BCAS4: variants seen among roughly 807,000 people sequenced by gnomAD.
BCAS4 encodes breast carcinoma-amplified sequence 4.
BCAS4 carries 9 observed loss-of-function variants against 15.7 expected under a neutral mutation model. The observed-to-expected ratio is 0.57, with a 90% confidence interval of 0.34 to 1.00. BCAS4 has a LOEUF of 1.00. Among genes scored for constraint, BCAS4 ranks in the 50% least tolerant of loss-of-function variants. BCAS4 has a pLI of 0.02. For missense variants in BCAS4, 225 were observed against 239.1 expected (o/e 0.94, Z 0.39); for synonymous variants, 101 against 99.5 (o/e 1.02, Z -0.09).
chr20:50,825,844 T>C (rs916007161), intron 2 of BCAS4, among the ~76,000 whole-genome samples: 1 of 152,016 alleles, frequency 6.6e-6, no homozygotes, highest in Non-Finnish European at 1.5e-5. Flanking sequence ...GCCACTGTAC[T>C]CCAGCCTGGG....
intron 1 of BCAS4, among the ~76,000 whole-genome samples, chr20:50,796,487 ATTTTTTTTTTTTT>A (rs34988437): frequency 3.0e-4 from 2 of 6,776 alleles, no homozygotes; most frequent in African/African-American, 9.7e-4. Flanking sequence ...ATATATATAT[ATTTTTTTTTTTTT>A]TTTTTTTTTT....
chr20:50,841,753 C>T lies in BCAS4; in HGVS notation c.265-13C>T. The stretch of plus-strand genomic sequence containing the variant: ...GCACAGATGCGGCATCATGGCTTCT[C>T]CGTGTCCCTCAGGCCTTCGTCAAGA... On this transcript the variant is annotated splice_polypyrimidine_tract_variant and intron_variant, in intron 3 of 4. Coordinates refer to ENST00000371608, the MANE Select transcript of BCAS4 (RefSeq NM_198799.4). 6.2e-7 allele frequency: 1 copy of T among 1,613,962 alleles called. No homozygotes were observed. The highest frequency in any genetic ancestry group is 8.5e-7 in the Non-Finnish European group (1 of 1,180,010).
chr20:50,800,752 G>C (rs1286341454), intron 1 of BCAS4, among the ~76,000 whole-genome samples: 1 of 151,948 alleles, frequency 6.6e-6, no homozygotes, highest in Non-Finnish European at 1.5e-5. Context: ...AGTAGAGACA[G>C]AGTTTCGCCA....
At chr20:50,796,449 C>T in intron 1 of BCAS4, among the ~76,000 whole-genome samples, 6 of 71,632 alleles carry the variant, frequency 8.4e-5, no homozygotes, top group Admixed American at 1.9e-4. Context: ...TTTTCTTTTT[C>T]TCCATATATA....
intron 4 of BCAS4, among the ~76,000 whole-genome samples, chr20:50,858,323 C>T (rs556644671): frequency 1.5e-4 from 23 of 152,046 alleles, no homozygotes; most frequent in Non-Finnish European, 2.8e-4. Context: ...AAATGCTGGA[C>T]GGGCATGGTG....
chr20:50,858,653 G>T (rs962359351), intron 4 of BCAS4, among the ~76,000 whole-genome samples: 9 of 149,220 alleles, frequency 6.0e-5, no homozygotes, highest in Admixed American at 2.7e-4. Context: ...ACACTGTATT[G>T]TTTGGGGAAT....
At chr20:50,840,514 T>C in intron 3 of BCAS4, 1 of 1,356,168 alleles carries the variant, frequency 7.4e-7, no homozygotes, top group South Asian at 1.2e-5. Context: ...TTAAACTTGA[T>C]CCAACCTCTT....
At chr20:50,874,413 C>T (rs1008750489) in intron 4 of BCAS4, among the ~76,000 whole-genome samples, 2 of 152,146 alleles carry the variant, frequency 1.3e-5, no homozygotes, top group Non-Finnish European at 2.9e-5. Flanking sequence ...GCTCAGCACC[C>T]GGAAACTCCC....
intron 4 of BCAS4, among the ~76,000 whole-genome samples, chr20:50,866,850 C>T (rs749594112): frequency 3.9e-5 from 6 of 152,160 alleles, no homozygotes; most frequent in Non-Finnish European, 8.8e-5. Flanking sequence ...CTCAGTTTCC[C>T]CTTTTGCAAA....
At chr20:50,866,866 A>G (rs942784490) in intron 4 of BCAS4, among the ~76,000 whole-genome samples, 1 of 152,194 alleles carries the variant, frequency 6.6e-6, no homozygotes, top group East Asian at 1.9e-4. Context: ...GCAAAGTGAG[A>G]TGGAGGTTCC....
At chr20:50,853,253 T>C (rs1978545085) in intron 4 of BCAS4, among the ~76,000 whole-genome samples, 1 of 148,824 alleles carries the variant, frequency 6.7e-6, no homozygotes, top group South Asian at 2.2e-4. Flanking sequence ...CAACCAATTC[T>C]CCTGCCTCAG....
chr20:50,842,087 CG>C (rs1424905821), intron 4 of BCAS4, among the ~76,000 whole-genome samples, 187 bp downstream of exon 4: 1 of 152,202 alleles, frequency 6.6e-6, no homozygotes, highest in Non-Finnish European at 1.5e-5. Flanking sequence ...TGGGCTGTGA[CG>C]GTTCGTGTGC....
At chr20:50,857,285 C>A (rs999394400) in intron 4 of BCAS4, among the ~76,000 whole-genome samples, 1 of 152,204 alleles carries the variant, frequency 6.6e-6, no homozygotes, top group Non-Finnish European at 1.5e-5. Flanking sequence ...GCATGCGCCA[C>A]CACACCTGGC....
At chr20:50,861,178 G>A (rs1219632342) in intron 4 of BCAS4, among the ~76,000 whole-genome samples, 1 of 152,112 alleles carries the variant, frequency 6.6e-6, no homozygotes, top group Non-Finnish European at 1.5e-5. Flanking sequence ...GGAGGTCTGA[G>A]TTCACATGGA....
In BCAS4 at chr20:50,800,520, A is replaced by G. The variant is rs181990462; in HGVS notation, c.90+5347A>G. Among the ~76,000 whole-genome samples, 153 of 149,796 alleles carry G rather than the reference A, an allele frequency of 1.0e-3. 1 individual carries two copies. The Middle Eastern group carries it at 0.028, about 28-fold the overall frequency. Reference sequence around the variant, plus strand: ...TCCAGGGCCTCGGGTTTTCTGTTCAACTAGTTCCCTGCCACCCCTCTTTCT... The same window carrying G: ...TCCAGGGCCTCGGGTTTTCTGTTCAGCTAGTTCCCTGCCACCCCTCTTTCT... On this transcript the variant is annotated intron_variant, in intron 1 of 4. Coordinates refer to ENST00000371608, the MANE Select transcript of BCAS4 (RefSeq NM_198799.4).
At chr20:50,831,836 C>T (rs1022838404) in intron 3 of BCAS4, among the ~76,000 whole-genome samples, 16 of 152,156 alleles carry the variant, frequency 1.1e-4, no homozygotes, top group African/African-American at 3.4e-4. Flanking sequence ...GTGAGCCCCT[C>T]CCAAGCTGCA....
At chr20:50,811,824 T>C (rs940220082) in intron 1 of BCAS4, among the ~76,000 whole-genome samples, 1 of 152,122 alleles carries the variant, frequency 6.6e-6, no homozygotes, top group Non-Finnish European at 1.5e-5. Context: ...GGTTTTGCCA[T>C]GTTGGCCAGG....
At chr20:50,840,807 A>T (rs1432144776) in intron 3 of BCAS4, 1 of 1,148,308 alleles carries the variant, frequency 8.7e-7, no homozygotes, top group Non-Finnish European at 1.3e-6. Context: ...TGGTCTGCGT[A>T]GTGGCCACCA....
At chr20:50,865,079 C>T (rs1005339037) in intron 4 of BCAS4, among the ~76,000 whole-genome samples, 2 of 152,038 alleles carry the variant, frequency 1.3e-5, no homozygotes, top group Non-Finnish European at 2.9e-5. Flanking sequence ...GGCGACAGAG[C>T]AAGACTCTAT....
Sources: gnomAD v4.1 joint callset for allele counts (sites outside exome capture counted in the v4.1 genomes callset) on GRCh38, gnomAD v4.1.1 for gene constraint, MANE v1.5 for transcripts, NCBI Gene and HGNC (gene_info 2026-07-23, HGNC 2026-07-21) for gene names.